The following DNTTIP2 variants were observed in gnomAD, a reference collection of about 807,000 sequenced individuals.
DNTTIP2 encodes deoxynucleotidyltransferase terminal-interacting protein 2.
A neutral mutation model predicts 62.4 loss-of-function variants in DNTTIP2; 47 were observed. That is an observed-to-expected ratio of 0.75 (90% CI 0.60 to 0.96). The LOEUF is 0.96. Among genes scored for constraint, DNTTIP2 ranks in the 40% least tolerant of loss-of-function variants. DNTTIP2 has a pLI of 0.00. For synonymous variants in DNTTIP2, 322 were observed against 300.9 expected, an observed-to-expected ratio of 1.07 and a Z score of -0.73; for missense variants, 870 against 849.1, an observed-to-expected ratio of 1.02 and a Z score of -0.31.
Position 93,868,981 on chromosome 1 carries a change from CTAT to C in DNTTIP2, c.*867_*869del, listed in dbSNP as rs10557910. On this transcript the variant is annotated 3_prime_UTR_variant, in exon 7 of 7. Transcript: ENST00000436063. ...CATGTTCTACACATGTACCCCAAAA[CTAT>C]TATTAAAAAAAAAAAAGATTTCATA... 1.3e-5 allele frequency: 2 copies of C among 150,038 alleles called. No homozygotes were observed. The highest frequency in any genetic ancestry group is 2.5e-5 in the African/African-American group (1 of 40,754). The allele number at this position is 150,038 out of a possible 1,614,324, so 9.3% of individuals were successfully genotyped here.
Position 93,872,914 on chromosome 1 carries a change from T to C in DNTTIP2, c.1902+205A>G, listed in dbSNP as rs187225313. Among the ~76,000 whole-genome samples, 19 of 152,066 alleles carry C rather than the reference T, an allele frequency of 1.2e-4. No homozygotes were observed. In the East Asian group the frequency reaches 3.7e-3, roughly 29 times the overall value. ...TTTTTAAAAAACCTCTACTTATAGA[T>C]GCACTATTGTGGCTGCAAAGATGTG... On this transcript the variant is annotated intron_variant, in intron 4 of 6. Transcript: ENST00000436063.
In DNTTIP2 at chr1:93,875,781, A is replaced by G. The variant is rs775678976; in HGVS notation, c.1670T>C (p.Leu557Pro). Residue 557 changes from leucine to proline, a missense_variant and splice_region_variant, in exon 3 of 7, where the codon CTG becomes CCG. Leu to Pro is a moderately conservative substitution (Grantham distance 98). Transcript: ENST00000436063. ...DFLNSTKAKLLKLTSSSIDPG... is the reference protein window; with the variant it reads ...DFLNSTKAKLPKLTSSSIDPG... ...GTCTATGCTGCTGCTTGTCAACTTCAGACTGAAAAAGAAATCATCACTTAA... is the reference window on the plus strand; with the variant it reads ...GTCTATGCTGCTGCTTGTCAACTTCGGACTGAAAAAGAAATCATCACTTAA... 1.2e-6 allele frequency: 2 copies of G among 1,606,120 alleles called. No individual in the cohort carries two copies. The highest frequency in any genetic ancestry group is 1.1e-5 in the South Asian group (1 of 88,728).
In DNTTIP2 at chr1:93,872,242, A is replaced by G; in HGVS notation, c.1903-6T>C. 6.2e-7 allele frequency: 1 copy of G among 1,612,298 alleles called. No homozygotes were observed. The highest frequency in any genetic ancestry group is 1.1e-5 in the South Asian group (1 of 90,832). The stretch of plus-strand genomic sequence containing the variant: ...GCTGTTTTTTGTCGTTCTTTCTGAA[A>G]TTATGATTTCAAAAATAAACATTCT... On this transcript the variant is annotated splice_region_variant and splice_polypyrimidine_tract_variant and intron_variant, in intron 4 of 6. Coordinates refer to ENST00000436063, the MANE Select transcript of DNTTIP2 (RefSeq NM_014597.5).
rs985181754 is a variant in DNTTIP2 at position 93,871,932 on chromosome 1, T to C, written c.2067+140A>G. ...GAATTGGGTAATGGCCATTCTTATA[T>C]GGCCTATGCAGATATGTTCCATACA... On this transcript the variant is annotated intron_variant, in intron 5 of 6. Transcript: ENST00000436063. The C allele has an allele frequency of 3.4e-6, 3 of 883,398 alleles. No individual in the cohort carries two copies. The African/African-American group carries it at 5.0e-5, about 15-fold the overall frequency. The allele number at this position is 883,398 out of a possible 1,614,324, so 54.7% of individuals were successfully genotyped here.
At chr1:93,878,512 T>C (rs1571187025) in intron 1 of DNTTIP2, 1 of 155,226 alleles carries the variant, frequency 6.4e-6, no homozygotes, top group African/African-American at 2.4e-5. Context: ...CCGATGTGTT[T>C]AGGAACACAC....
At chr1:93,871,048 A>G in intron 5 of DNTTIP2, 1 of 256,312 alleles carries the variant, frequency 3.9e-6, no homozygotes, top group Non-Finnish European at 7.3e-6. Flanking sequence ...CAGTGTAACT[A>G]AAGGAGAAAA....
At position 93,876,234 on chromosome 1, in the gene DNTTIP2, A is replaced by C. The variant is rs1237062538; in HGVS notation, c.1667+34T>G. ...TAAATTAACCACTTGAAATACATGT[A>C]TCAAAAACTTATAAAAATAAAGGAA... On this transcript the variant is annotated intron_variant, in intron 2 of 6. Transcript: ENST00000436063. 8.3e-6 allele frequency: 12 copies of C among 1,453,796 alleles called. No individual in the cohort carries two copies. The Admixed American group carries it at 8.4e-5, about 10-fold the overall frequency. 90.1% of individuals were successfully genotyped at this position (1,453,796 alleles called of 1,614,324 possible).
intron 3 of DNTTIP2, among the ~76,000 whole-genome samples, chr1:93,874,207 T>C (rs1655941173): frequency 6.6e-6 from 1 of 152,230 alleles, no homozygotes; most frequent in African/African-American, 2.4e-5. Context: ...CATCTGGCAA[T>C]GTCTGGAGAC....
intron 6 of DNTTIP2, among the ~76,000 whole-genome samples, chr1:93,870,155 A>G (rs938458422): frequency 1.3e-5 from 2 of 152,136 alleles, no homozygotes; most frequent in African/African-American, 2.4e-5. Flanking sequence ...CTATCCATAT[A>G]TCCATATATG....
Position 93,879,136 on chromosome 1 carries a change from T to C in DNTTIP2, c.13A>G (p.Arg5Gly), listed in dbSNP as rs1337730658. The change falls in exon 1 of 7, where the codon AGA becomes GGA. Residue 5 changes from arginine to glycine, a missense_variant. Coordinates refer to ENST00000436063, the MANE Select transcript of DNTTIP2 (RefSeq NM_014597.5). ...ATGCTGGCCTTAGCCCGTGCAGATCTGGTAACCACCATCTTTCCGGCTCCC... is the reference window on the plus strand; with the variant it reads ...ATGCTGGCCTTAGCCCGTGCAGATCCGGTAACCACCATCTTTCCGGCTCCC... MVVT[R>G]SARAKASIQA... 1.2e-6 allele frequency: 2 copies of C among 1,613,172 alleles called. No homozygotes were observed. Among genetic ancestry groups the C allele is most frequent in the Non-Finnish European group, 8.5e-7 (1 of 1,179,774 alleles).
rs1232650420 is a variant in DNTTIP2 at position 93,876,588 on chromosome 1, T to C, written c.1347A>G (p.Glu449=). ...NSVLLVLSSD[E]SQQSENSENE... Reference sequence around the variant, plus strand: ...TCTCACTGTTTTCAGACTGTTGGCTTTCATCACTGCTGAGAACTAGTAAGA... The same window carrying C: ...TCTCACTGTTTTCAGACTGTTGGCTCTCATCACTGCTGAGAACTAGTAAGA... Residue 449 remains glutamate, a synonymous_variant, in exon 2 of 7, where the codon GAA becomes GAG. Coordinates refer to ENST00000436063, the MANE Select transcript of DNTTIP2 (RefSeq NM_014597.5). The C allele has an allele frequency of 6.2e-7, 1 of 1,613,930 alleles. No individual in the cohort carries two copies. Among genetic ancestry groups the C allele is most frequent in the African/African-American group, 1.3e-5 (1 of 74,944 alleles).
rs1208421726 is a variant in DNTTIP2 at position 93,869,674 on chromosome 1, C to G, written c.*177G>C. ...ACACCAGGGTGGGTCTTTTAGACAC[C>G]CCTATTTTCTAAGGGCATGTAATCG... On this transcript the variant is annotated 3_prime_UTR_variant, in exon 7 of 7. Transcript: ENST00000436063. 1.8e-6 allele frequency: 1 copy of G among 554,160 alleles called. No individual in the cohort carries two copies. The highest frequency in any genetic ancestry group is 1.9e-5 in the African/African-American group (1 of 52,548). The allele number at this position is 554,160 out of a possible 1,614,324, so 34.3% of individuals were successfully genotyped here.
In DNTTIP2 at chr1:93,867,528, G is replaced by C. The variant is rs1307737445; in HGVS notation, c.*2323C>G. 6.6e-6 allele frequency: 1 copy of C among 150,902 alleles called. No individual in the cohort carries two copies. Among genetic ancestry groups the C allele is most frequent in the Non-Finnish European group, 1.5e-5 (1 of 67,954 alleles). 9.3% of individuals were successfully genotyped at this position (150,902 alleles called of 1,614,324 possible). A position where few individuals can be genotyped will look rare whatever the true frequency, so the allele number is the denominator to read the frequency against. On this transcript the variant is annotated 3_prime_UTR_variant, in exon 7 of 7. Transcript: ENST00000436063. Reference sequence around the variant, plus strand: ...GAACTTGGGAGGCGGAGGTTGCAGTGAGCTGAGATGGCACCACTGCACTCC... The same window carrying C: ...GAACTTGGGAGGCGGAGGTTGCAGTCAGCTGAGATGGCACCACTGCACTCC...
intron 4 of DNTTIP2, 122 bp from the exon 5 acceptor site, chr1:93,872,358 A>C (rs561363812): frequency 2.2e-6 from 2 of 920,818 alleles, no homozygotes; most frequent in South Asian, 3.7e-5. Context: ...TACTTTATTG[A>C]AAGCACTTAA....
intron 1 of DNTTIP2, chr1:93,878,585 C>CTGAGTCAGA (rs1288844452): frequency 6.4e-6 from 1 of 155,094 alleles, no homozygotes; most frequent in Non-Finnish European, 1.4e-5. Flanking sequence ...GCTCCGTTCC[C>CTGAGTCAGA]TGCATCGCTG....
chr1:93,870,108 G>A (rs1655819461), intron 6 of DNTTIP2, among the ~76,000 whole-genome samples, 164 bp from the exon 7 acceptor site: 1 of 151,994 alleles, frequency 6.6e-6, no homozygotes, highest in Admixed American at 6.6e-5. Flanking sequence ...AACTGTAGTA[G>A]GAAGACTTTC....
Position 93,877,719 on chromosome 1 carries a change from TGTA to T in DNTTIP2, c.213_215del (p.Thr72del), listed in dbSNP as rs1656050376. On this transcript the variant is annotated inframe_deletion, in exon 2 of 7. Transcript: ENST00000436063. ...GTTCAGTCCCCTTTGGTAGTGAGCC[TGTA>T]GTTCTGCTCTTCCTCTTTCTAGCTT... is the stretch of plus-strand genomic sequence containing the variant. 2.5e-6 allele frequency: 4 copies of T among 1,613,830 alleles called. No homozygotes were observed. Among genetic ancestry groups the T allele is most frequent in the Non-Finnish European group, 3.4e-6 (4 of 1,179,908 alleles).
Position 93,877,633 on chromosome 1 carries a change from T to A in DNTTIP2, c.302A>T (p.Asp101Val). ...TCTCCTAGTTACCCTTAAAATGGTA[T>A]CATGGTGCTCAGACACAGAATAATT... is the stretch of plus-strand genomic sequence containing the variant. Reference protein sequence around the residue: ...ESNYSVSEHHDTILRVTRRRQ... With the variant: ...ESNYSVSEHHVTILRVTRRRQ... The change falls in exon 2 of 7, where the codon GAT becomes GTT. Residue 101 changes from aspartate to valine, a missense_variant. Coordinates refer to ENST00000436063, the MANE Select transcript of DNTTIP2 (RefSeq NM_014597.5). 6.2e-7 allele frequency: 1 copy of A among 1,614,006 alleles called. No homozygotes were observed. The highest frequency in any genetic ancestry group is 8.5e-7 in the Non-Finnish European group (1 of 1,179,890).
At position 93,877,093 on chromosome 1, in the gene DNTTIP2, T is replaced by A. The variant is rs536374943; in HGVS notation, c.842A>T (p.His281Leu). 43 of 1,611,590 alleles carry A rather than the reference T, an allele frequency of 2.7e-5. No homozygotes were observed. In the South Asian group the frequency reaches 4.2e-4, roughly 16 times the overall value. ...HRSSENILTV[H>L]EQANVESLKE... ...AAGAGATTCAACATTGGCCTGTTCG[T>A]GCACTGTTAATATATTTTCTGAACT... Residue 281 changes from histidine to leucine, a missense_variant, in exon 2 of 7, where the codon CAC becomes CTC. His to Leu is a moderately conservative substitution (Grantham distance 99). Transcript: ENST00000436063.
Sources: allele counts gnomAD v4.1 joint callset (sites outside exome capture counted in the v4.1 genomes callset), GRCh38; gene constraint gnomAD v4.1.1; transcripts MANE v1.5; gene names NCBI Gene and HGNC (gene_info 2026-07-23, HGNC 2026-07-21).